PPP6R2: variants seen among roughly 807,000 people sequenced by gnomAD.
PPP6R2 encodes the protein serine/threonine-protein phosphatase 6 regulatory subunit 2.
In PPP6R2, 62 loss-of-function variants were observed where a neutral mutation model predicts 100.2. The observed-to-expected ratio is 0.62, with a 90% CI of 0.50 to 0.76. The LOEUF (loss-of-function observed/expected upper bound fraction) is 0.76. PPP6R2 is among the 30% of genes least tolerant of loss of function. The probability of loss-of-function intolerance (pLI) is 0.00; values close to 1 mark genes in which losing one functional copy is unlikely to be tolerated. For synonymous variants in PPP6R2, 525 were observed against 514.7 expected (o/e 1.02, Z -0.27); for missense variants, 1,142 against 1,276.3 (o/e 0.89, Z 1.60).
Position 50,434,601 on chromosome 22 carries a change from A to G in PPP6R2, c.1401-365A>G, listed in dbSNP as rs1380297997. On this transcript the variant is annotated intron_variant, in intron 12 of 23. Coordinates refer to ENST00000612753, the MANE Select transcript of PPP6R2 (RefSeq NM_001242898.2). ...ACCTGGAGGAGGGCCGGGGGCATGG[A>G]TGCTGGGCAGGGGCCGGGCATTTGC... Among the ~76,000 whole-genome samples the G allele has an allele frequency of 2.5e-5, 2 of 80,474 alleles. 1 individual carries two copies. The highest frequency in any genetic ancestry group is 4.6e-5 in the Non-Finnish European group (2 of 43,410). The allele number at this position is 80,474 out of a possible 152,430, so 52.8% of individuals were successfully genotyped here. A position where few individuals can be genotyped will look rare whatever the true frequency, so the allele number is the denominator to read the frequency against.
At chr22:50,368,395 G>A (rs923160183) in intron 1 of PPP6R2, among the ~76,000 whole-genome samples, 8 of 152,150 alleles carry the variant, frequency 5.3e-5, no homozygotes, top group African/African-American at 1.9e-4. Context: ...CTGTCTGGGC[G>A]TGACAGAAGG....
chr22:50,424,277 A>T (rs1405548203), intron 10 of PPP6R2, among the ~76,000 whole-genome samples: 4 of 151,914 alleles, frequency 2.6e-5, no homozygotes, highest in African/African-American at 2.4e-5. Flanking sequence ...TCTCCCTGCA[A>T]TCTTAGTCCC....
chr22:50,397,862 T>C (rs2057316749), intron 3 of PPP6R2, among the ~76,000 whole-genome samples: 1 of 116,334 alleles, frequency 8.6e-6, no homozygotes, highest in Admixed American at 8.4e-5. Flanking sequence ...CCTTGTCATC[T>C]CTGAGCTTTT....
intron 22 of PPP6R2, among the ~76,000 whole-genome samples, chr22:50,442,389 A>AGGGC (rs1385307537): frequency 6.6e-6 from 1 of 152,210 alleles, no homozygotes; most frequent in East Asian, 1.9e-4. Flanking sequence ...CCCTGTCTTC[A>AGGGC]GGGCATCTGC....
the PPP6R2 span, among the ~76,000 whole-genome samples, chr22:50,337,638 T>G: frequency 1.1e-3 from 123 of 114,938 alleles, no homozygotes; most frequent in Non-Finnish European, 1.8e-3. Context: ...GTGTGCTGTG[T>G]GGGTATAGTG....
chr22:50,338,497 T>C (rs1160658105), upstream of PPP6R2, among the ~76,000 whole-genome samples: 3 of 135,576 alleles, frequency 2.2e-5, no homozygotes, highest in East Asian at 6.9e-4. Context: ...GTGTATGTGG[T>C]ATGTGGTGTG....
the PPP6R2 span, among the ~76,000 whole-genome samples, chr22:50,334,524 G>A: frequency 6.6e-5 from 10 of 151,910 alleles, no homozygotes; most frequent in Non-Finnish European, 1.0e-4. Flanking sequence ...ATAGCTTCTC[G>A]TCGTATATGT....
At chr22:50,336,268 G>A in the PPP6R2 span, among the ~76,000 whole-genome samples, 1 of 152,224 alleles carries the variant, frequency 6.6e-6, no homozygotes, top group Non-Finnish European at 1.5e-5. Flanking sequence ...GATTACAGGT[G>A]TGAGTCACCG....
intron 2 of PPP6R2, among the ~76,000 whole-genome samples, chr22:50,383,286 A>G (rs2053515823): frequency 6.6e-6 from 1 of 152,166 alleles, no homozygotes; most frequent in South Asian, 2.1e-4. Flanking sequence ...GGTTTGCCCA[A>G]GTGTCCTGGT....
chr22:50,351,038 T>TTG (rs1569254796), intron 1 of PPP6R2, among the ~76,000 whole-genome samples: 2 of 66,098 alleles, frequency 3.0e-5, no homozygotes, highest in African/African-American at 1.3e-4. Context: ...TTTTTTTTTT[T>TTG]TTTTTTTTTT....
intron 15 of PPP6R2, 52 bp from the exon 16 acceptor site, chr22:50,437,454 C>A: frequency 1.5e-6 from 2 of 1,307,354 alleles, no homozygotes; most frequent in Non-Finnish European, 1.1e-6. Context: ...AGGCCTGATG[C>A]CTCCTCCATG....
chr22:50,351,599 C>A (rs148720032), intron 1 of PPP6R2, among the ~76,000 whole-genome samples: 2 of 152,116 alleles, frequency 1.3e-5, no homozygotes, highest in Non-Finnish European at 2.9e-5. Context: ...GATCTAGCGA[C>A]AACTTCTATA....
upstream of PPP6R2, among the ~76,000 whole-genome samples, chr22:50,340,432 G>C (rs1348755243): frequency 7.3e-6 from 1 of 136,678 alleles, no homozygotes; most frequent in Non-Finnish European, 1.6e-5. Context: ...TGGTGTGTGT[G>C]GTGTGTGTGG....
intron 1 of PPP6R2, among the ~76,000 whole-genome samples, chr22:50,356,953 A>C (rs1203154710): frequency 6.6e-6 from 1 of 151,822 alleles, no homozygotes; most frequent in Non-Finnish European, 1.5e-5. Context: ...ACAAAAAAGC[A>C]AAAACAAAAC....
Position 50,444,308 on chromosome 22 carries a change from A to G in PPP6R2, c.*61A>G. On this transcript the variant is annotated 3_prime_UTR_variant, in exon 24 of 24. Coordinates refer to ENST00000612753, the MANE Select transcript of PPP6R2 (RefSeq NM_001242898.2). ...GGCTGCCTCCTTAATCGAGAAAACT[A>G]CCTGGTGATGCAATCTTTTTTTTTT... 6.6e-7 allele frequency: 1 copy of G among 1,514,676 alleles called. No homozygotes were observed. The highest frequency in any genetic ancestry group is 1.2e-5 in the South Asian group (1 of 81,740). The allele number at this position is 1,514,676 out of a possible 1,614,324, so 93.8% of individuals were successfully genotyped here. A position where few individuals can be genotyped will look rare whatever the true frequency, so the allele number is the denominator to read the frequency against.
chr22:50,359,247 C>G (rs190914190), intron 1 of PPP6R2, among the ~76,000 whole-genome samples: 2,255 of 132,024 alleles, frequency 0.017, 25 homozygotes, highest in Non-Finnish European at 0.025. Flanking sequence ...GAAACTGAGT[C>G]TTGCTCTGTC....
chr22:50,424,575 C>T (rs1259284985), intron 10 of PPP6R2, among the ~76,000 whole-genome samples: 1 of 151,716 alleles, frequency 6.6e-6, no homozygotes, highest in Non-Finnish European at 1.5e-5. Context: ...CTGTGAGATC[C>T]CAGTCTGCAT....
rs2060610125 is a variant in PPP6R2, at chr22:50,416,824, C to A, written c.618+667C>A. 2.0e-5 allele frequency among the ~76,000 whole-genome samples: 3 copies of A among 151,650 alleles called. No homozygotes were observed. In the South Asian group the frequency reaches 6.3e-4, roughly 32 times the overall value. On this transcript the variant is annotated intron_variant, in intron 6 of 23. Transcript: ENST00000612753. ...ACTAAAAATTAGCGAAGTGTGGTGT[C>A]AGGTGCCTGTAATCCCAGCCACTCA...
chr22:50,373,836 C>T (rs1462477910), intron 2 of PPP6R2, among the ~76,000 whole-genome samples: 1 of 152,014 alleles, frequency 6.6e-6, no homozygotes, highest in African/African-American at 2.4e-5. Flanking sequence ...TGGGTTCAAG[C>T]GAATTTCCTG....
Sources: allele counts gnomAD v4.1 joint callset (sites outside exome capture counted in the v4.1 genomes callset), GRCh38; gene constraint gnomAD v4.1.1; transcripts MANE v1.5; gene names NCBI Gene and HGNC (gene_info 2026-07-23, HGNC 2026-07-21).